CACNB4: variants seen among roughly 807,000 people sequenced by gnomAD.
CACNB4 encodes the protein voltage-dependent L-type calcium channel subunit beta-4.
Under a neutral mutation model 71.2 loss-of-function variants are expected in CACNB4, and 32 were observed. The ratio of observed to expected loss-of-function variants is 0.45; its 90% CI spans 0.34 to 0.60. CACNB4 has a LOEUF of 0.60. CACNB4 is among the 20% of genes least tolerant of loss of function. CACNB4 has a pLI of 0.01. For synonymous variants in CACNB4, 231 were observed against 236.9 expected (o/e 0.97, Z 0.23); for missense variants, 464 against 647.9 (o/e 0.72, Z 3.08).
intron 2 of CACNB4, among the ~76,000 whole-genome samples, chr2:151,902,481 C>T (rs575124481): frequency 6.6e-6 from 1 of 152,068 alleles, no homozygotes; most frequent in African/African-American, 2.4e-5. Flanking sequence ...CTACTTATAC[C>T]TAAACAACTA....
chr2:152,038,532 T>C (rs771536298), intron 2 of CACNB4, among the ~76,000 whole-genome samples: 6 of 152,082 alleles, frequency 3.9e-5, no homozygotes, highest in African/African-American at 7.2e-5. Context: ...TGGAAGAGGA[T>C]AGGTGTGCGT....
intron 2 of CACNB4, among the ~76,000 whole-genome samples, chr2:151,918,162 T>C (rs1249835271): frequency 6.6e-6 from 1 of 152,198 alleles, no homozygotes; most frequent in Non-Finnish European, 1.5e-5. Flanking sequence ...TATGAAGGCA[T>C]TGCCCATGCT....
At chr2:152,055,138 A>C (rs1483014695) in intron 2 of CACNB4, among the ~76,000 whole-genome samples, 1 of 152,152 alleles carries the variant, frequency 6.6e-6, no homozygotes, top group Non-Finnish European at 1.5e-5. Flanking sequence ...CAGCCTCCCG[A>C]GTAGCTGGGA....
At chr2:152,080,781 G>A (rs1687320832) in intron 2 of CACNB4, among the ~76,000 whole-genome samples, 1 of 152,102 alleles carries the variant, frequency 6.6e-6, no homozygotes, top group African/African-American at 2.4e-5. Flanking sequence ...GGGTCATGAG[G>A]CATATCCCTC....
chr2:152,034,088 G>A (rs1684429642), intron 2 of CACNB4, among the ~76,000 whole-genome samples: 1 of 152,114 alleles, frequency 6.6e-6, no homozygotes, highest in Admixed American at 6.6e-5. Flanking sequence ...CTCACTAACA[G>A]GCAGCACTTC....
At chr2:151,849,169 C>G in intron 12 of CACNB4, among the ~76,000 whole-genome samples, 1 of 152,192 alleles carries the variant, frequency 6.6e-6, no homozygotes, top group East Asian at 1.9e-4. Context: ...ATCTTACTGT[C>G]TATGACAGAT....
At chr2:152,059,842 T>C (rs897061334) in intron 2 of CACNB4, among the ~76,000 whole-genome samples, 9 of 152,348 alleles carry the variant, frequency 5.9e-5, no homozygotes, top group Non-Finnish European at 8.8e-5. Context: ...TCCACACATG[T>C]CTAGGGAGTG....
At chr2:151,857,994 A>T (rs778998568) in intron 10 of CACNB4, 3 of 152,228 alleles carry the variant, frequency 2.0e-5, no homozygotes, top group Admixed American at 2.0e-4. Context: ...GGTGAGCCCA[A>T]TGTTTGGATA....
chr2:151,971,932 A>G, intron 2 of CACNB4: 1 of 346,476 alleles, frequency 2.9e-6, no homozygotes, highest in Admixed American at 4.2e-5. Flanking sequence ...GCTGGCCACC[A>G]CTGAGTCACC....
chr2:152,015,765 A>G (rs1232817381), intron 2 of CACNB4, among the ~76,000 whole-genome samples: 1 of 152,236 alleles, frequency 6.6e-6, no homozygotes, highest in Non-Finnish European at 1.5e-5. Flanking sequence ...CACGGGCAGA[A>G]GCAACAAATG....
At chr2:151,995,284 C>A (rs1681979082) in intron 2 of CACNB4, among the ~76,000 whole-genome samples, 1 of 149,168 alleles carries the variant, frequency 6.7e-6, no homozygotes, top group Non-Finnish European at 1.5e-5. Flanking sequence ...TAACAATAAA[C>A]CACAAGGCCA....
intron 2 of CACNB4, among the ~76,000 whole-genome samples, chr2:151,930,322 T>A (rs1310420586): frequency 6.6e-6 from 1 of 152,164 alleles, no homozygotes; most frequent in East Asian, 1.9e-4. Flanking sequence ...TTAGGGTGGA[T>A]TCCTACTTTG....
chr2:151,959,067 T>C (rs1200450553), intron 2 of CACNB4, among the ~76,000 whole-genome samples: 1 of 152,176 alleles, frequency 6.6e-6, no homozygotes, highest in East Asian at 1.9e-4. Flanking sequence ...CAATCAGTAA[T>C]CTGGGAAATG....
At chr2:152,077,687 T>C (rs1264672260) in intron 2 of CACNB4, among the ~76,000 whole-genome samples, 2 of 151,854 alleles carry the variant, frequency 1.3e-5, no homozygotes, top group Non-Finnish European at 2.9e-5. Flanking sequence ...GCCAAGATTG[T>C]GCCATTGCAT....
chr2:152,030,597 T>C (rs1684232055), intron 2 of CACNB4, among the ~76,000 whole-genome samples: 1 of 152,222 alleles, frequency 6.6e-6, no homozygotes, highest in South Asian at 2.1e-4. Context: ...CTCCTAATGC[T>C]ATCCCTCCCC....
intron 2 of CACNB4, among the ~76,000 whole-genome samples, chr2:152,029,317 G>GC (rs552866294): frequency 1.3e-4 from 19 of 151,570 alleles, no homozygotes; most frequent in Middle Eastern, 6.8e-3. Flanking sequence ...ACATGGTGAA[G>GC]CCCCGTCTCT....
At chr2:151,877,752 T>C (rs1022388) in intron 4 of CACNB4, among the ~76,000 whole-genome samples, 144,238 of 152,258 alleles carry the variant, frequency 0.95, 68,816 homozygotes, top group East Asian at 1. Flanking sequence ...AACTTCCAAA[T>C]GCTCTGAAGC....
At chr2:151,963,930 A>G (rs1336256342) in intron 2 of CACNB4, among the ~76,000 whole-genome samples, 2 of 152,070 alleles carry the variant, frequency 1.3e-5, no homozygotes, top group Non-Finnish European at 2.9e-5. Context: ...TTAGCTGGGC[A>G]TGGTGGCACA....
intron 2 of CACNB4, among the ~76,000 whole-genome samples, chr2:152,017,911 C>T (rs1390983486): frequency 1.3e-5 from 2 of 151,622 alleles, no homozygotes; most frequent in Non-Finnish European, 2.9e-5. Context: ...TGGCTCACTG[C>T]AACCTCTGCC....
Sources: gnomAD v4.1 joint callset for allele counts (sites outside exome capture counted in the v4.1 genomes callset) on GRCh38, gnomAD v4.1.1 for gene constraint, MANE v1.5 for transcripts, NCBI Gene and HGNC (gene_info 2026-07-23, HGNC 2026-07-21) for gene names.